SLC16A7: variants seen among roughly 807,000 people sequenced by gnomAD.
SLC16A7 encodes the protein solute carrier family 16 member 7, also known as monocarboxylate transporter 2.
SLC16A7 carries 33 observed loss-of-function variants against 34.9 expected under a neutral mutation model. The ratio of observed to expected loss-of-function variants is 0.94; its 90% CI spans 0.72 to 1.26. The LOEUF (loss-of-function observed/expected upper bound fraction) is 1.26. Ranked by LOEUF, SLC16A7 falls within the 50% of genes most tolerant of loss-of-function variation. SLC16A7 has a pLI of 0.00. For missense variants in SLC16A7, 573 were observed against 578.1 expected, an observed-to-expected ratio of 0.99 and a Z score of 0.09; for synonymous variants, 201 against 206.6, an observed-to-expected ratio of 0.97 and a Z score of 0.23.
intron 3 of SLC16A7, among the ~76,000 whole-genome samples, chr12:59,725,628 A>G (rs1189343891): frequency 6.6e-6 from 1 of 152,154 alleles, no homozygotes; most frequent in Non-Finnish European, 1.5e-5. Context: ...TATTTTGAAA[A>G]CTATGCTAAA....
At chr12:59,649,584 G>T (rs535144990) in intron 1 of SLC16A7, among the ~76,000 whole-genome samples, 8 of 152,294 alleles carry the variant, frequency 5.3e-5, no homozygotes, top group African/African-American at 1.7e-4. Flanking sequence ...GGTCAGATCA[G>T]TGGAAGATTT....
At chr12:59,708,269 G>A (rs1481491661) in intron 3 of SLC16A7, among the ~76,000 whole-genome samples, 1 of 152,002 alleles carries the variant, frequency 6.6e-6, no homozygotes, top group Non-Finnish European at 1.5e-5. Flanking sequence ...TGAGTCATGA[G>A]TCTTGTTAAA....
At chr12:59,651,628 T>G (rs1171273973) in intron 1 of SLC16A7, among the ~76,000 whole-genome samples, 1 of 152,170 alleles carries the variant, frequency 6.6e-6, no homozygotes, top group Non-Finnish European at 1.5e-5. Flanking sequence ...TCTAAGAGTA[T>G]GATGTGGTGT....
At chr12:59,740,514 T>C (rs1436611733) in intron 3 of SLC16A7, among the ~76,000 whole-genome samples, 2 of 152,166 alleles carry the variant, frequency 1.3e-5, no homozygotes, top group Non-Finnish European at 2.9e-5. Context: ...TCAACAATGC[T>C]TCATGCTAAA....
intron 3 of SLC16A7, among the ~76,000 whole-genome samples, chr12:59,743,497 A>C (rs1365289825): frequency 6.6e-6 from 1 of 152,204 alleles, no homozygotes. Flanking sequence ...AGGCATCATA[A>C]CTATCTTGTT....
chr12:59,677,876 T>A (rs1870433897), intron 2 of SLC16A7, among the ~76,000 whole-genome samples: 1 of 152,250 alleles, frequency 6.6e-6, no homozygotes, highest in Admixed American at 6.5e-5. Context: ...TATTACAGGA[T>A]CCTTGGGTGT....
chr12:59,678,524 A>C (rs978947254), intron 2 of SLC16A7, among the ~76,000 whole-genome samples: 1 of 151,810 alleles, frequency 6.6e-6, no homozygotes, highest in African/African-American at 2.4e-5. Context: ...CAGAGAGGAG[A>C]CTCTGGAGTG....
At chr12:59,634,159 A>G (rs185725856) in intron 1 of SLC16A7, among the ~76,000 whole-genome samples, 1 of 152,120 alleles carries the variant, frequency 6.6e-6, no homozygotes, top group East Asian at 1.9e-4. Context: ...CTTACATACT[A>G]CATCAGGTCT....
At chr12:59,762,010 C>A (rs1216081110) in intron 3 of SLC16A7, among the ~76,000 whole-genome samples, 1 of 152,008 alleles carries the variant, frequency 6.6e-6, no homozygotes, top group African/African-American at 2.4e-5. Flanking sequence ...GGGATTCCAT[C>A]TTTCTTTGGG....
chr12:59,645,202 A>C (rs1046501697), intron 1 of SLC16A7, among the ~76,000 whole-genome samples: 3 of 152,184 alleles, frequency 2.0e-5, no homozygotes, highest in Non-Finnish European at 4.4e-5. Flanking sequence ...TCAGGCTAGA[A>C]AGTTAAATTA....
rs565157822 is a variant in SLC16A7 at position 59,671,499 on chromosome 12, A to G, written c.-31+16249A>G. ...TAGGATTAAAATAGATGATTATAAG[A>G]TATGCACAATTTTCCCAAGCAGTTT... On this transcript the variant is annotated intron_variant, in intron 2 of 5. Transcript: ENST00000547379. Among the ~76,000 whole-genome samples the G allele has an allele frequency of 3.9e-5, 6 of 152,068 alleles. No individual in the cohort carries two copies. In the East Asian group the frequency reaches 1.2e-3, roughly 29 times the overall value.
At chr12:59,612,481 A>G (rs576065579) in intron 1 of SLC16A7, among the ~76,000 whole-genome samples, 1 of 152,266 alleles carries the variant, frequency 6.6e-6, no homozygotes, top group South Asian at 2.1e-4. Context: ...GGCAGCGATG[A>G]AAGTCTGTGG....
chr12:59,702,881 G>T (rs1043707473), intron 2 of SLC16A7, among the ~76,000 whole-genome samples: 1 of 151,800 alleles, frequency 6.6e-6, no homozygotes, highest in Non-Finnish European at 1.5e-5. Flanking sequence ...AGTCAGCAGT[G>T]ATTAGTGAAA....
chr12:59,714,113 A>T (rs1565667583), intron 3 of SLC16A7, among the ~76,000 whole-genome samples: 1 of 152,310 alleles, frequency 6.6e-6, no homozygotes, highest in Middle Eastern at 3.4e-3. Context: ...AGGGAGAGGA[A>T]GTGTTTGAGG....
At chr12:59,754,271 G>A (rs1288958474) in intron 3 of SLC16A7, among the ~76,000 whole-genome samples, 1 of 152,034 alleles carries the variant, frequency 6.6e-6, no homozygotes, top group Non-Finnish European at 1.5e-5. Flanking sequence ...CAGAACTGAA[G>A]GAAATAGAGA....
chr12:59,723,781 T>G (rs1216557620), intron 3 of SLC16A7, among the ~76,000 whole-genome samples: 1 of 151,974 alleles, frequency 6.6e-6, no homozygotes, highest in Non-Finnish European at 1.5e-5. Flanking sequence ...GATCTGAAAA[T>G]CCTTCAGCTA....
chr12:59,678,567 C>T (rs778755680), intron 2 of SLC16A7, among the ~76,000 whole-genome samples: 5 of 152,144 alleles, frequency 3.3e-5, no homozygotes, highest in African/African-American at 4.8e-5. Flanking sequence ...GTTGTCCCAT[C>T]GTCTCTTTGA....
At chr12:59,741,848 G>T (rs1315370197) in intron 3 of SLC16A7, among the ~76,000 whole-genome samples, 1 of 152,158 alleles carries the variant, frequency 6.6e-6, no homozygotes, top group Non-Finnish European at 1.5e-5. Context: ...TACTGGTGGT[G>T]AATCCATCTG....
chr12:59,620,655 A>G (rs1879659760), intron 1 of SLC16A7, among the ~76,000 whole-genome samples: 1 of 151,930 alleles, frequency 6.6e-6, no homozygotes, highest in Non-Finnish European at 1.5e-5. Flanking sequence ...GGAACAGAAA[A>G]TAGGAAATTG....
Sources: gnomAD v4.1 joint callset for allele counts (sites outside exome capture counted in the v4.1 genomes callset) on GRCh38, gnomAD v4.1.1 for gene constraint, MANE v1.5 for transcripts, NCBI Gene and HGNC (gene_info 2026-07-23, HGNC 2026-07-21) for gene names.